ATG7: variants seen among roughly 807,000 people sequenced by gnomAD.
ATG7 encodes autophagy related 7.
Under a neutral mutation model 82.4 loss-of-function variants are expected in ATG7, and 70 were observed. That is an observed-to-expected ratio of 0.85 (90% confidence interval 0.70 to 1.04). ATG7 has a LOEUF of 1.04. Ranked by LOEUF, ATG7 falls within the 50% of genes least tolerant of loss-of-function variation. The probability of loss-of-function intolerance (pLI) is 0.00; values close to 1 mark genes in which losing one functional copy is unlikely to be tolerated. For missense variants in ATG7, 792 were observed against 864.3 expected (o/e 0.92, Z 1.05); for synonymous variants, 287 against 313.0 (o/e 0.92, Z 0.88).
At chr3:11,346,107 T>C (rs1954501999) in intron 13 of ATG7, among the ~76,000 whole-genome samples, 1 of 152,254 alleles carries the variant, frequency 6.6e-6, no homozygotes, top group South Asian at 2.1e-4. Context: ...CAGGCTGGAC[T>C]GGACCTTGTG....
chr3:11,306,304 A>C (rs191052309), intron 5 of ATG7, among the ~76,000 whole-genome samples: 5 of 152,228 alleles, frequency 3.3e-5, no homozygotes, highest in Non-Finnish European at 4.4e-5. Context: ...CATACTTTCT[A>C]TCCTCAAGGA....
intron 3 of ATG7, among the ~76,000 whole-genome samples, chr3:11,287,926 G>A (rs958361897): frequency 3.3e-5 from 5 of 152,208 alleles, no homozygotes; most frequent in African/African-American, 1.2e-4. Context: ...TTTAGTCCAG[G>A]AGTCAGCAAA....
At chr3:11,456,187 G>A (rs905521818) in intron 20 of ATG7, among the ~76,000 whole-genome samples, 4 of 152,090 alleles carry the variant, frequency 2.6e-5, no homozygotes, top group African/African-American at 4.8e-5. Context: ...CTAATCTTTC[G>A]TCTCTTCGGA....
chr3:11,333,655 T>TAC (rs1406754501), intron 11 of ATG7, among the ~76,000 whole-genome samples: 3 of 151,834 alleles, frequency 2.0e-5, no homozygotes, highest in African/African-American at 7.3e-5. Context: ...TATATATATA[T>TAC]ACACATATAT....
intron 20 of ATG7, among the ~76,000 whole-genome samples, chr3:11,532,630 G>T (rs1253334265): frequency 6.6e-6 from 1 of 152,184 alleles, no homozygotes; most frequent in Non-Finnish European, 1.5e-5. Flanking sequence ...GGCTGAGGCA[G>T]GAACACTGCT....
chr3:11,442,739 CAAAAAAAAAAAAAAAAA>C (rs57073881), intron 20 of ATG7, among the ~76,000 whole-genome samples: 6 of 69,252 alleles, frequency 8.7e-5, no homozygotes, highest in African/African-American at 2.3e-4. Context: ...TCCATCTCTA[CAAAAAAAAAAAAAAAAA>C]AAAAAAAAAA....
At chr3:11,430,653 T>C (rs1380649761) in intron 20 of ATG7, among the ~76,000 whole-genome samples, 2 of 152,210 alleles carry the variant, frequency 1.3e-5, no homozygotes, top group East Asian at 1.9e-4. Context: ...TACCAAGCAC[T>C]GTGCTAGTAA....
chr3:11,497,357 CTATATATATATATATATATATA>C (rs58838386), intron 20 of ATG7, among the ~76,000 whole-genome samples: 9 of 57,294 alleles, frequency 1.6e-4, no homozygotes, highest in East Asian at 2.1e-3. Context: ...ACTAAAAATA[CTATATATATATATATATATATA>C]TATATATATA....
At chr3:11,322,396 A>G (rs1007135193) in intron 9 of ATG7, among the ~76,000 whole-genome samples, 3 of 152,240 alleles carry the variant, frequency 2.0e-5, no homozygotes, top group African/African-American at 7.2e-5. Context: ...TGGCAAATAA[A>G]TGAACTGTAC....
intron 5 of ATG7, among the ~76,000 whole-genome samples, chr3:11,303,605 T>C (rs1947159741): frequency 6.6e-6 from 1 of 151,102 alleles, no homozygotes; most frequent in Non-Finnish European, 1.5e-5. Context: ...GAGGCGGAGC[T>C]TGCAGTGAGC....
At chr3:11,513,458 A>C (rs565641281) in intron 20 of ATG7, among the ~76,000 whole-genome samples, 4 of 152,352 alleles carry the variant, frequency 2.6e-5, no homozygotes, top group African/African-American at 9.6e-5. Context: ...TGGGGGACCC[A>C]GCGCACCCTC....
At chr3:11,469,285 A>G (rs1171046979) in intron 20 of ATG7, among the ~76,000 whole-genome samples, 2 of 152,076 alleles carry the variant, frequency 1.3e-5, no homozygotes, top group Non-Finnish European at 2.9e-5. Flanking sequence ...CCCCATCTCT[A>G]CTAAGAATAC....
In ATG7 at chr3:11,314,522, G is replaced by A. The variant is rs190730622; in HGVS notation, c.529-822G>A. On this transcript the variant is annotated intron_variant, in intron 8 of 20. Coordinates refer to ENST00000693202, the MANE Select transcript of ATG7 (RefSeq NM_001349232.2). ...TTGGCTGAGTATTGACTGCTGGCAG[G>A]TATGGGGTTTCTTTTATTGAGGACA... 1.2e-4 allele frequency among the ~76,000 whole-genome samples: 19 copies of A among 152,252 alleles called. 1 individual carries two copies. In the East Asian group the frequency reaches 3.5e-3, roughly 28 times the overall value.
intron 7 of ATG7, 55 bp from the exon 8 acceptor site, chr3:11,313,249 T>C (rs1948935679): frequency 8.4e-7 from 1 of 1,194,834 alleles, no homozygotes; most frequent in South Asian, 1.4e-5. Context: ...ATAGATGCAT[T>C]TCACCTTAAG....
chr3:11,324,436 TG>T (rs1039332294), intron 9 of ATG7, among the ~76,000 whole-genome samples: 2 of 152,186 alleles, frequency 1.3e-5, no homozygotes, highest in African/African-American at 4.8e-5. Context: ...TAGTGTTAAA[TG>T]GATTTTGTCA....
At chr3:11,424,213 T>G (rs1309521788) in intron 19 of ATG7, among the ~76,000 whole-genome samples, 1 of 152,228 alleles carries the variant, frequency 6.6e-6, no homozygotes, top group African/African-American at 2.4e-5. Flanking sequence ...CATCAGTGCT[T>G]TAGAGTTCTG....
chr3:11,457,602 T>A (rs138858285), intron 20 of ATG7, among the ~76,000 whole-genome samples: 2 of 152,266 alleles, frequency 1.3e-5, no homozygotes, highest in Non-Finnish European at 2.9e-5. Context: ...GGGGAAACAT[T>A]TCCGGAACAT....
rs2072446416 is a variant in ATG7 at position 11,556,654 on chromosome 3, T to C, written c.*1811T>C. On this transcript the variant is annotated 3_prime_UTR_variant, in exon 21 of 21. Transcript: ENST00000693202. ...CAACAAAAAAAATGAATGATTACAA[T>C]AGGAAAGGGAAAAATTAAATAGCTA... 1.3e-5 allele frequency: 2 copies of C among 152,178 alleles called. No homozygotes were observed. Among genetic ancestry groups the C allele is most frequent in the Admixed American group, 6.6e-5 (1 of 15,250 alleles). 9.4% of individuals were successfully genotyped at this position (152,178 alleles called of 1,614,324 possible).
intron 1 of ATG7, among the ~76,000 whole-genome samples, chr3:11,274,639 G>A (rs895181511): frequency 2.0e-5 from 3 of 152,038 alleles, no homozygotes; most frequent in South Asian, 2.1e-4. Context: ...CATGTTACCC[G>A]CACATAGACT....
Sources: gnomAD v4.1 joint callset for allele counts (sites outside exome capture counted in the v4.1 genomes callset) on GRCh38, gnomAD v4.1.1 for gene constraint, MANE v1.5 for transcripts, NCBI Gene and HGNC (gene_info 2026-07-23, HGNC 2026-07-21) for gene names.